The following PCDH19 variants were observed in gnomAD, a reference collection of about 807,000 sequenced individuals.
PCDH19 encodes protocadherin 19, also known as protocadherin-19.
PCDH19 carries 6 observed loss-of-function variants against 46.2 expected under a neutral mutation model. The ratio of observed to expected loss-of-function variants is 0.13; its 90% confidence interval spans 0.07 to 0.26. PCDH19 has a LOEUF of 0.26. Ranked by LOEUF, PCDH19 falls within the 10% of genes least tolerant of loss-of-function variation. The pLI is 1.00. For missense variants in PCDH19, 740 were observed against 972.3 expected (o/e 0.76, Z 3.18); for synonymous variants, 481 against 415.7 (o/e 1.16, Z -1.91).
chrX:100,409,710 C>A lies in PCDH19; in HGVS notation c.-1113G>T. ...TTGGGCTGGGGTGTCGCTCCAAGGT[C>A]CGCCGCCGCCGCCGCCGCCGCCGCC... is the stretch of plus-strand genomic sequence containing the variant. On this transcript the variant is annotated 5_prime_UTR_variant, in exon 1 of 6. Transcript: ENST00000373034. The A allele has an allele frequency of 7.2e-6, 1 of 138,333 alleles. No individual in the cohort carries two copies. The highest frequency in any genetic ancestry group is 1.3e-5 in the Non-Finnish European group (1 of 76,670). The allele number at this position is 138,333 out of a possible 1,213,427, so 11.4% of individuals were successfully genotyped here.
chrX:100,393,756 G>A (rs944175110), intron 3 of PCDH19, among the ~76,000 whole-genome samples: 3 of 111,901 alleles, frequency 2.7e-5, no homozygotes, highest in African/African-American at 3.3e-5. Flanking sequence ...ACAGAACAGC[G>A]GCCAGATGGG....
intron 3 of PCDH19, among the ~76,000 whole-genome samples, chrX:100,355,561 GA>G (rs918727388): frequency 5.4e-5 from 6 of 111,162 alleles, no homozygotes; most frequent in Admixed American, 3.8e-4. Context: ...TTTGTGTCTA[GA>G]AAAAAAAGAG....
At position 100,407,983 on chromosome X, in the gene PCDH19, G is replaced by C; in HGVS notation, c.615C>G (p.Ser205Arg). ...CACCGTCTAGCGCAGTGATTCGGAA[G>C]CTGTAGTGCGACTGCGTCTCGCGGT... ...SLDRETQSHY[S>R]FRITALDGGD... The change falls in exon 1 of 6, where the codon AGC (serine) becomes AGG (arginine). Residue 205 changes from serine (S) to arginine (R), a missense_variant. This residue lies in a region of PCDH19 where 48 missense variants were observed against 43.2 expected (regional missense o/e 1.11). Transcript: ENST00000373034. 1 of 1,208,473 alleles carries C rather than the reference G, an allele frequency of 8.3e-7. No individual in the cohort carries two copies. The highest frequency in any genetic ancestry group is 2.2e-5 in the Admixed American group (1 of 46,218).
At chrX:100,333,789 A>ATT (rs370118055) in intron 5 of PCDH19, among the ~76,000 whole-genome samples, 83 of 82,163 alleles carry the variant, frequency 1.0e-3, no homozygotes, top group Non-Finnish European at 1.7e-3. Context: ...TTTCCTCTTC[A>ATT]TTTTTTTTTT....
At chrX:100,341,853 T>C (rs1307443491) in intron 5 of PCDH19, 50 bp downstream of exon 5, 1 of 1,110,203 alleles carries the variant, frequency 9.0e-7, no homozygotes, top group Non-Finnish European at 1.2e-6. Flanking sequence ...TACAAACATT[T>C]TGGGTTCTTT....
intron 2 of PCDH19, among the ~76,000 whole-genome samples, 169 bp downstream of exon 2, chrX:100,403,355 T>C (rs756853111): frequency 1.0e-3 from 106 of 102,412 alleles, no homozygotes; most frequent in African/African-American, 3.7e-3. Flanking sequence ...TATGACTCAC[T>C]CGATCAGTTT....
intron 3 of PCDH19, among the ~76,000 whole-genome samples, chrX:100,351,753 A>G (rs1926576577): frequency 8.9e-6 from 1 of 112,531 alleles, no homozygotes; most frequent in Non-Finnish European, 1.9e-5. Context: ...TGTCTAGCAA[A>G]CAAAAGAGCA....
At chrX:100,348,074 AAAAAAAAAAAAAG>A (rs1237435989) in intron 4 of PCDH19, among the ~76,000 whole-genome samples, 4 of 107,700 alleles carry the variant, frequency 3.7e-5, no homozygotes, top group Admixed American at 1.0e-4. Context: ...TCAAAAAAAA[AAAAAAAAAAAAAG>A]AAAGAAAGAA....
At chrX:100,355,012 T>A (rs1431176258) in intron 3 of PCDH19, among the ~76,000 whole-genome samples, 1 of 111,965 alleles carries the variant, frequency 8.9e-6, no homozygotes, top group Non-Finnish European at 1.9e-5. Context: ...ACTTTCTTAT[T>A]ATTTAGTATA....
At chrX:100,321,761 T>C (rs1925490663) in intron 5 of PCDH19, among the ~76,000 whole-genome samples, 1 of 106,547 alleles carries the variant, frequency 9.4e-6, no homozygotes, top group Admixed American at 1.0e-4. Context: ...GCTCTTTAGT[T>C]TAATTAAGTC....
intron 3 of PCDH19, among the ~76,000 whole-genome samples, chrX:100,371,130 A>G (rs1421795839): frequency 9.0e-6 from 1 of 110,807 alleles, no homozygotes; most frequent in Non-Finnish European, 1.9e-5. Context: ...TGAAATCACA[A>G]ATTCACAGAT....
intron 5 of PCDH19, among the ~76,000 whole-genome samples, chrX:100,300,575 T>C: frequency 8.9e-6 from 1 of 112,057 alleles, no homozygotes; most frequent in Non-Finnish European, 1.9e-5. Flanking sequence ...AATCCACATA[T>C]AGTTGTGGAA....
In PCDH19 at chrX:100,406,882, A is replaced by G; in HGVS notation, c.1716T>C (p.Thr572=). 2 of 1,211,394 alleles carry G rather than the reference A, an allele frequency of 1.7e-6. No homozygotes were observed. Among genetic ancestry groups the G allele is most frequent in the Non-Finnish European group, 2.2e-6 (2 of 895,374 alleles). ...VITAPPLING[T]AEVYIPRNSG... Reference sequence around the variant, plus strand: ...AGTTGCGGGGTATGTAGACCTCGGCAGTGCCGTTAATCAGAGGTGGGGCTG... The same window carrying G: ...AGTTGCGGGGTATGTAGACCTCGGCGGTGCCGTTAATCAGAGGTGGGGCTG... Residue 572 remains threonine, a synonymous_variant, in exon 1 of 6, where the codon ACT becomes ACC. Transcript: ENST00000373034.
chrX:100,383,118 T>C lies in PCDH19; in HGVS notation c.2616+19406A>G, dbSNP rs1927604369. On this transcript the variant is annotated intron_variant, in intron 3 of 5. Transcript: ENST00000373034. Reference sequence around the variant, plus strand: ...ATTAAGAGGCACAAATTAGATATTTTCCTAGTCAAAAAGAGATCATAATAG... The same window carrying C: ...ATTAAGAGGCACAAATTAGATATTTCCCTAGTCAAAAAGAGATCATAATAG... 2.7e-5 allele frequency among the ~76,000 whole-genome samples: 3 copies of C among 112,380 alleles called. No homozygotes were observed. In the South Asian group the frequency reaches 1.1e-3, roughly 42 times the overall value.
At chrX:100,315,259 T>C (rs1241846795) in intron 5 of PCDH19, among the ~76,000 whole-genome samples, 1 of 112,234 alleles carries the variant, frequency 8.9e-6, no homozygotes, top group Non-Finnish European at 1.9e-5. Flanking sequence ...GCACACCCTA[T>C]AAAAGAGCCC....
intron 2 of PCDH19, 144 bp from the exon 3 acceptor site, chrX:100,402,995 T>C: frequency 1.9e-6 from 1 of 515,630 alleles, no homozygotes; most frequent in Non-Finnish European, 3.4e-6. Context: ...GGTTTCTCCC[T>C]GTGCTTTTTA....
rs940512791 is a variant in PCDH19, at chrX:100,410,231, G to A, written c.-1634C>T. On this transcript the variant is annotated 5_prime_UTR_variant, in exon 1 of 6. Transcript: ENST00000373034. ...CCGTCTCCGCGCTGCGCCAGCCGCC[G>A]CCGCTACTGCTGCTGCTGCTCCTCC... 5.7e-5 allele frequency: 17 copies of A among 297,221 alleles called. No individual in the cohort carries two copies. Among genetic ancestry groups the A allele is most frequent in the Non-Finnish European group, 9.9e-5 (17 of 170,922 alleles). 24.5% of individuals were successfully genotyped at this position (297,221 alleles called of 1,213,427 possible).
Position 100,410,257 on chromosome X carries a change from G to C in PCDH19, c.-1660C>G, listed in dbSNP as rs1036030168. 3 of 296,857 alleles carry C rather than the reference G, an allele frequency of 1.0e-5. No individual in the cohort carries two copies. The highest frequency in any genetic ancestry group is 1.2e-5 in the Non-Finnish European group (2 of 170,663). 24.5% of individuals were successfully genotyped at this position (296,857 alleles called of 1,213,427 possible). On this transcript the variant is annotated 5_prime_UTR_variant, in exon 1 of 6. Transcript: ENST00000373034. ...CCGCTACTGCTGCTGCTGCTCCTCCGGATGCCGCAAACTACTGGCCGCGGA... is the reference window on the plus strand; with the variant it reads ...CCGCTACTGCTGCTGCTGCTCCTCCCGATGCCGCAAACTACTGGCCGCGGA...
At chrX:100,367,702 C>T (rs1048102013) in intron 3 of PCDH19, among the ~76,000 whole-genome samples, 2 of 111,500 alleles carry the variant, frequency 1.8e-5, no homozygotes, top group Non-Finnish European at 1.9e-5. Context: ...AAAGGCTCCA[C>T]CTTTTAATAC....
Sources: allele counts gnomAD v4.1 joint callset (sites outside exome capture counted in the v4.1 genomes callset), GRCh38; gene constraint gnomAD v4.1.1; regional missense constraint gnomAD v4.1.1; transcripts MANE v1.5; gene names NCBI Gene and HGNC (gene_info 2026-07-23, HGNC 2026-07-21).